Variants in CHST3 observed in about 807,000 individuals in gnomAD.
The protein encoded by CHST3 is C6ST-1.
In CHST3, 20 loss-of-function variants were observed where a neutral mutation model predicts 35.4. That is an observed-to-expected ratio of 0.57 (90% CI 0.40 to 0.82). The LOEUF is 0.82. Ranked by LOEUF, CHST3 falls within the 40% of genes least tolerant of loss-of-function variation. CHST3 has a pLI of 0.00. For synonymous variants in CHST3, 334 were observed against 295.9 expected (o/e 1.13, Z -1.32); for missense variants, 693 against 670.1 (o/e 1.03, Z -0.38).
intron 1 of CHST3, among the ~76,000 whole-genome samples, chr10:71,996,843 G>A (rs1839944148): frequency 6.6e-6 from 1 of 152,114 alleles, no homozygotes; most frequent in Non-Finnish European, 1.5e-5. Context: ...AGCTTCCTCT[G>A]TCCCCCTAAC....
At chr10:72,004,594 C>A (rs545805132) in intron 1 of CHST3, among the ~76,000 whole-genome samples, 1 of 152,238 alleles carries the variant, frequency 6.6e-6, no homozygotes, top group South Asian at 2.1e-4. Flanking sequence ...AAACATAAGC[C>A]TCACTCCACC....
At chr10:71,968,758 G>C (rs926687400) in intron 1 of CHST3, among the ~76,000 whole-genome samples, 1 of 152,160 alleles carries the variant, frequency 6.6e-6, no homozygotes, top group African/African-American at 2.4e-5. Flanking sequence ...GGTGGTACCA[G>C]GCTGCTGGAG....
chr10:71,978,203 A>C (rs367938765), intron 1 of CHST3, among the ~76,000 whole-genome samples: 11 of 152,230 alleles, frequency 7.2e-5, no homozygotes, highest in African/African-American at 2.6e-4. Context: ...CAACAAGGTG[A>C]TACCCCATCT....
intron 1 of CHST3, among the ~76,000 whole-genome samples, chr10:71,995,132 A>G (rs1244030985): frequency 6.6e-6 from 1 of 152,132 alleles, no homozygotes; most frequent in Non-Finnish European, 1.5e-5. Context: ...ATTTCCTTCA[A>G]GAACTTTTCC....
chr10:71,974,715 CT>C (rs772854034), intron 1 of CHST3, among the ~76,000 whole-genome samples: 17 of 152,212 alleles, frequency 1.1e-4, no homozygotes, highest in Non-Finnish European at 2.2e-4. Context: ...TGTCTGCCCT[CT>C]ATGGTTCTCC....
chr10:71,998,389 C>T (rs568991468), intron 1 of CHST3, among the ~76,000 whole-genome samples: 14 of 152,224 alleles, frequency 9.2e-5, no homozygotes, highest in Admixed American at 6.5e-4. Flanking sequence ...AGACTCCTCC[C>T]GGGGCTGCCC....
chr10:71,996,877 TG>T (rs1839944474), intron 1 of CHST3, among the ~76,000 whole-genome samples: 2 of 152,156 alleles, frequency 1.3e-5, no homozygotes, highest in South Asian at 4.1e-4. Context: ...CAGGCATTGC[TG>T]GGGGTATTTT....
Position 72,011,413 on chromosome 10 carries a change from C to T in CHST3, c.*2942C>T, listed in dbSNP as rs2131781024. The stretch of plus-strand genomic sequence containing the variant: ...TTTGGGGAAGGACAGTGTGGTGTGA[C>T]TATTGGCTTGAAACGTTATGGATAT... On this transcript the variant is annotated 3_prime_UTR_variant, in exon 3 of 3. Transcript: ENST00000373115. 6.6e-6 allele frequency: 1 copy of T among 152,350 alleles called. No individual in the cohort carries two copies. Among genetic ancestry groups the T allele is most frequent in the Non-Finnish European group, 1.5e-5 (1 of 68,078 alleles). 9.4% of individuals were successfully genotyped at this position (152,350 alleles called of 1,614,324 possible). A position where few individuals can be genotyped will look rare whatever the true frequency, so the allele number is the denominator to read the frequency against.
At chr10:71,988,666 T>G (rs1839871430) in intron 1 of CHST3, among the ~76,000 whole-genome samples, 1 of 152,200 alleles carries the variant, frequency 6.6e-6, no homozygotes, top group Non-Finnish European at 1.5e-5. Flanking sequence ...AAACTGCTTT[T>G]CTTTATAAAT....
intron 1 of CHST3, among the ~76,000 whole-genome samples, chr10:71,969,942 TTTCA>T (rs1839673609): frequency 6.6e-6 from 1 of 152,202 alleles, no homozygotes; most frequent in Non-Finnish European, 1.5e-5. Context: ...CACTTCTCCT[TTTCA>T]TTCGTTAAAC....
chr10:71,977,665 T>TTGTC (rs1839760019), intron 1 of CHST3, among the ~76,000 whole-genome samples: 1 of 66,268 alleles, frequency 1.5e-5, no homozygotes, highest in South Asian at 4.1e-4. Context: ...TGGAGCTTGA[T>TTGTC]TGTTTGTTTG....
intron 1 of CHST3, among the ~76,000 whole-genome samples, chr10:72,004,894 C>T (rs183037004): frequency 1.3e-5 from 2 of 152,238 alleles, no homozygotes; most frequent in African/African-American, 4.8e-5. Flanking sequence ...CTTTGGGAGG[C>T]CGAGGCAGGT....
At chr10:71,975,925 T>C (rs183792870) in intron 1 of CHST3, among the ~76,000 whole-genome samples, 82 of 152,290 alleles carry the variant, frequency 5.4e-4, no homozygotes, top group African/African-American at 1.9e-3. Context: ...CCTAGAGAAG[T>C]TTTCTGGCTG....
Position 72,007,976 on chromosome 10 carries a change from C to T in CHST3, c.945C>T (p.Ala315=), listed in dbSNP as rs1452159298. Residue 315 remains alanine (A), a synonymous_variant, in exon 3 of 3, where the codon GCC becomes GCT. Coordinates refer to ENST00000373115, the MANE Select transcript of CHST3 (RefSeq NM_004273.5). ...TGGCCTCGCGCATGGTGGCCTTCGC[C>T]GGCAAGTATAAGACCTGGAAGAAGT... The part of the protein sequence containing the change: ...AVLASRMVAF[A]GKYKTWKKWL... 2 of 1,549,446 alleles carry T rather than the reference C, an allele frequency of 1.3e-6. No individual in the cohort carries two copies. Among genetic ancestry groups the T allele is most frequent in the Non-Finnish European group, 1.7e-6 (2 of 1,146,504 alleles).
At chr10:71,997,901 C>T (rs1334770296) in intron 1 of CHST3, among the ~76,000 whole-genome samples, 1 of 152,020 alleles carries the variant, frequency 6.6e-6, no homozygotes, top group African/African-American at 2.4e-5. Flanking sequence ...CTCCTGACCT[C>T]GTGATCCACC....
At chr10:71,969,193 T>C (rs1471447492) in intron 1 of CHST3, among the ~76,000 whole-genome samples, 1 of 152,140 alleles carries the variant, frequency 6.6e-6, no homozygotes, top group Non-Finnish European at 1.5e-5. Flanking sequence ...AACCACACGC[T>C]CATCTGGTCC....
rs1185749276 is a variant in CHST3 at position 72,008,655 on chromosome 10, C to T, written c.*184C>T. ...GTTAATTGCGGAGAACAGGACAGTG[C>T]CCGGTCCCCTTGAGGGCCATCACAC... On this transcript the variant is annotated 3_prime_UTR_variant, in exon 3 of 3. Transcript: ENST00000373115. The T allele has an allele frequency of 2.3e-6, 3 of 1,287,962 alleles. No individual in the cohort carries two copies. The highest frequency in any genetic ancestry group is 1.7e-5 in the South Asian group (1 of 58,620). 79.8% of individuals were successfully genotyped at this position (1,287,962 alleles called of 1,614,324 possible).
chr10:71,966,555 C>G (rs1839633386), intron 1 of CHST3, among the ~76,000 whole-genome samples: 1 of 152,178 alleles, frequency 6.6e-6, no homozygotes, highest in Non-Finnish European at 1.5e-5. Flanking sequence ...TTTCAAACTT[C>G]TAAATGCTGA....
rs568953867 is a variant in CHST3 at position 71,990,074 on chromosome 10, C to T, written c.-107-15662C>T. ...TAATCGATTTATTGTTGTATATGTC[C>T]TTGTTGTATCCATGCAAATATATCA... is the stretch of plus-strand genomic sequence containing the variant. On this transcript the variant is annotated intron_variant, in intron 1 of 2. Coordinates refer to ENST00000373115, the MANE Select transcript of CHST3 (RefSeq NM_004273.5). Among the ~76,000 whole-genome samples the T allele has an allele frequency of 7.9e-5, 12 of 152,202 alleles. No homozygotes were observed. In the South Asian group the frequency reaches 2.5e-3, roughly 32 times the overall value.
Sources: allele counts gnomAD v4.1 joint callset (sites outside exome capture counted in the v4.1 genomes callset), GRCh38; gene constraint gnomAD v4.1.1; transcripts MANE v1.5; gene names NCBI Gene and HGNC (gene_info 2026-07-23, HGNC 2026-07-21).